SAMD4B: variants seen among roughly 807,000 people sequenced by gnomAD.
SAMD4B encodes the protein protein Smaug homolog 2.
SAMD4B carries 5 observed loss-of-function variants against 74.5 expected under a neutral mutation model. The ratio of observed to expected loss-of-function variants is 0.07; its 90% confidence interval spans 0.04 to 0.14. SAMD4B has a LOEUF of 0.14. Ranked by LOEUF, SAMD4B falls within the 10% of genes least tolerant of loss-of-function variation. The pLI, the probability that SAMD4B is intolerant of heterozygous loss-of-function variation, is 1.00. For synonymous variants in SAMD4B, 373 were observed against 374.9 expected, an observed-to-expected ratio of 1.00 and a Z score of 0.06; for missense variants, 608 against 921.8, an observed-to-expected ratio of 0.66 and a Z score of 4.41.
intron 3 of SAMD4B, 89 bp from the exon 4 acceptor site, chr19:39,369,566 C>A: frequency 1.0e-6 from 1 of 985,996 alleles, no homozygotes; most frequent in Non-Finnish European, 1.5e-6. Flanking sequence ...AAGATTGGAG[C>A]TGAGGGAATA....
At chr19:39,365,114 C>T (rs1168075516) in intron 3 of SAMD4B, among the ~76,000 whole-genome samples, 3 of 151,590 alleles carry the variant, frequency 2.0e-5, no homozygotes, top group African/African-American at 4.9e-5. Flanking sequence ...GGTGTGGTGG[C>T]GGGCGTGTGT....
chr19:39,389,669 T>C (rs898341907), downstream of SAMD4B: 6 of 1,614,178 alleles, frequency 3.7e-6, no homozygotes, highest in Non-Finnish European at 5.1e-6. The surrounding 1 kb of genome is among the most constrained non-coding windows in gnomAD (Gnocchi z 5.3). Flanking sequence ...GGTGTCAGGA[T>C]TGATGAGATC....
downstream of SAMD4B, chr19:39,385,926 C>T (rs1382120413): frequency 3.1e-6 from 5 of 1,593,694 alleles, no homozygotes; most frequent in Non-Finnish European, 4.3e-6. Flanking sequence ...CACAAACAGA[C>T]CACTAGAAAA....
intron 3 of SAMD4B, among the ~76,000 whole-genome samples, chr19:39,364,942 TA>T (rs1366005671): frequency 6.6e-6 from 1 of 151,854 alleles, no homozygotes; most frequent in African/African-American, 2.4e-5. Context: ...AGGTTGTGGG[TA>T]AAAAGTTCCC....
In SAMD4B at chr19:39,378,550, C is replaced by T. The variant is rs750946961; in HGVS notation, c.1491C>T (p.Thr497=). 5 of 1,613,876 alleles carry T rather than the reference C, an allele frequency of 3.1e-6. No individual in the cohort carries two copies. The African/African-American group carries it at 6.7e-5, about 22-fold the overall frequency. ...LVSRPDEENI[T]SYLQLIEKCL... is the part of the protein sequence containing the mutation. Reference sequence around the variant, plus strand: ...CCCGACCAGACGAGGAGAACATCACCAGTTACCTCCAGCTCATCGAAAAGT... The same window carrying T: ...CCCGACCAGACGAGGAGAACATCACTAGTTACCTCCAGCTCATCGAAAAGT... The change falls in exon 9 of 14, where the codon ACC becomes ACT. Residue 497 remains threonine (T), a synonymous_variant. Transcript: ENST00000610417. The surrounding 1 kb of genome is among the most constrained non-coding windows in gnomAD (Gnocchi z 4.4).
Position 39,369,972 on chromosome 19 carries a change from T to A in SAMD4B, c.514T>A (p.Ser172Thr), listed in dbSNP as rs1174083653. 6.2e-7 allele frequency: 1 copy of A among 1,613,466 alleles called. No individual in the cohort carries two copies. Among genetic ancestry groups the A allele is most frequent in the Non-Finnish European group, 8.5e-7 (1 of 1,179,842 alleles). The change falls in exon 4 of 14, where the codon TCA (serine) becomes ACA (threonine). Residue 172 changes from serine (S) to threonine (T), a missense_variant. Physicochemically the swap from Ser to Thr is moderately conservative, Grantham distance 58 (BLOSUM62 1). Around this residue, in one of 9 missense-constraint regions of SAMD4B, gnomAD observed 153 missense variants for 153.0 expected, o/e 1.00. Transcript: ENST00000610417. ...GCCCTCCTACCATTCACGTCAAGGCTCAGATGAGTGGGGGGGCCCTGCAGA... is the reference window on the plus strand; with the variant it reads ...GCCCTCCTACCATTCACGTCAAGGCACAGATGAGTGGGGGGGCCCTGCAGA... Reference protein sequence around the residue: ...PEPSYHSRQGSDEWGGPAELG... With the variant: ...PEPSYHSRQGTDEWGGPAELG...
In SAMD4B at chr19:39,377,695, A is replaced by C; in HGVS notation, c.1315A>C (p.Lys439Gln). Residue 439 changes from lysine to glutamine, a missense_variant, in exon 8 of 14, where the codon AAG becomes CAG. Coordinates refer to ENST00000610417, the MANE Select transcript of SAMD4B (RefSeq NM_001384574.2). ...HPGTDKGTEA[K>Q]DPPAVENYPP... ...CGGCACAGACAAAGGCACCGAGGCC[A>C]AGGACCCTCCAGCTGTGGAGAACTA... 1 of 1,614,214 alleles carries C rather than the reference A, an allele frequency of 6.2e-7. No homozygotes were observed. The highest frequency in any genetic ancestry group is 8.5e-7 in the Non-Finnish European group (1 of 1,180,030).
chr19:39,388,304 G>C (rs117544698), downstream of SAMD4B: 1 of 1,612,416 alleles, frequency 6.2e-7, no homozygotes, highest in Non-Finnish European at 8.5e-7. Context: ...AAGAAGCACA[G>C]ATCCAGGCTA....
downstream of SAMD4B, chr19:39,386,594 T>C: frequency 6.2e-7 from 1 of 1,613,282 alleles, no homozygotes; most frequent in Non-Finnish European, 8.5e-7. This position sits in a 1 kb window ranked among gnomAD's most constrained non-coding sequence, Gnocchi z 6.1. Flanking sequence ...AAGATTGGAA[T>C]GAGGGGAAGG....
chr19:39,381,863 T>G (rs1226101713), intron 12 of SAMD4B, among the ~76,000 whole-genome samples: 1 of 151,868 alleles, frequency 6.6e-6, no homozygotes, highest in Admixed American at 6.6e-5. Context: ...GCCCAGGAGG[T>G]CAAGGCTGTA....
At chr19:39,379,187 G>A (rs530676178) in intron 9 of SAMD4B, among the ~76,000 whole-genome samples, 7 of 151,918 alleles carry the variant, frequency 4.6e-5, no homozygotes, top group Non-Finnish European at 1.0e-4. Flanking sequence ...TTCTTTTTTA[G>A]AGATGGAGTA....
Position 39,375,706 on chromosome 19 carries a change from A to G in SAMD4B, c.724A>G (p.Thr242Ala), listed in dbSNP as rs772296491. The change falls in exon 5 of 14, where the codon ACA becomes GCA. Residue 242 changes from threonine (T) to alanine (A), a missense_variant. By Grantham distance (58) the Thr-to-Ala change is moderately conservative. Transcript: ENST00000610417. The surrounding 1 kb of genome is among the most constrained non-coding windows in gnomAD (Gnocchi z 4.1). ...GAAGCGCTCCATGTCACTCATCCCT[A>G]CAAGCCCCCAGGTCCCTGGTGAGTG... ...PLKRSMSLIP[T>A]SPQVPGEWPS... 4 of 1,613,948 alleles carry G rather than the reference A, an allele frequency of 2.5e-6. No individual in the cohort carries two copies. Among genetic ancestry groups the G allele is most frequent in the African/African-American group, 1.3e-5 (1 of 74,990 alleles).
At chr19:39,379,212 A>G (rs1415083480) in intron 9 of SAMD4B, among the ~76,000 whole-genome samples, 1 of 152,098 alleles carries the variant, frequency 6.6e-6, no homozygotes. Flanking sequence ...TTTATTGCCT[A>G]GGCTGATCTC....
Position 39,375,814 on chromosome 19 carries a change from T to A in SAMD4B, c.832T>A (p.Ser278Thr). ...APLSPQSSVA[S>T]SGSEQTEEQG... Reference sequence around the variant, plus strand: ...TCTCTCGCCCCAGAGCAGCGTGGCCTCCTCTGGCAGTGAGCAGACAGAGGA... The same window carrying A: ...TCTCTCGCCCCAGAGCAGCGTGGCCACCTCTGGCAGTGAGCAGACAGAGGA... The change falls in exon 5 of 14, where the codon TCC (serine) becomes ACC (threonine). Residue 278 changes from serine (S) to threonine (T), a missense_variant. This residue lies in a region of SAMD4B where 31 missense variants were observed against 43.4 expected (regional missense o/e 0.71). Coordinates refer to ENST00000610417, the MANE Select transcript of SAMD4B (RefSeq NM_001384574.2). The surrounding 1 kb of genome is among the most constrained non-coding windows in gnomAD (Gnocchi z 4.1). The A allele has an allele frequency of 6.2e-7, 1 of 1,613,760 alleles. No homozygotes were observed. The highest frequency in any genetic ancestry group is 8.5e-7 in the Non-Finnish European group (1 of 1,180,020).
At position 39,369,921 on chromosome 19, in the gene SAMD4B, G is replaced by C; in HGVS notation, c.463G>C (p.Ala155Pro). The change falls in exon 4 of 14, where the codon GCT becomes CCT. Residue 155 changes from alanine to proline, a missense_variant. By Grantham distance (27) the Ala-to-Pro change is conservative. Coordinates refer to ENST00000610417, the MANE Select transcript of SAMD4B (RefSeq NM_001384574.2). ...LWLSHLEERL[A>P]SGFRSRPEPS... ...GCTGAGCCACCTGGAAGAGCGGTTG[G>C]CTAGTGGCTTCCGCTCCCGGCCAGA... is the stretch of plus-strand genomic sequence containing the variant. 6.2e-7 allele frequency: 1 copy of C among 1,614,166 alleles called. No homozygotes were observed. Among genetic ancestry groups the C allele is most frequent in the Non-Finnish European group, 8.5e-7 (1 of 1,180,012 alleles).
Position 39,356,867 on chromosome 19 carries a change from C to A in SAMD4B, c.-27C>A. On this transcript the variant is annotated 5_prime_UTR_variant, in exon 3 of 14. Coordinates refer to ENST00000610417, the MANE Select transcript of SAMD4B (RefSeq NM_001384574.2). ...GCGCTGGCCCTCGCCACCGCCGTCC[C>A]CCGACCCTGGCCCCAGGCCCGGCAC... The A allele has an allele frequency of 6.3e-7, 1 of 1,588,836 alleles. No homozygotes were observed.
chr19:39,383,734 C>G lies in SAMD4B; in HGVS notation c.*207C>G. The G allele has an allele frequency of 1.3e-6, 2 of 1,534,682 alleles. No homozygotes were observed. On this transcript the variant is annotated 3_prime_UTR_variant, in exon 14 of 14. Coordinates refer to ENST00000610417, the MANE Select transcript of SAMD4B (RefSeq NM_001384574.2). This position sits in a 1 kb window ranked among gnomAD's most constrained non-coding sequence, Gnocchi z 4.1. ...CCCGTCGAGGGATCTCTGCTGAGGC[C>G]CGGGGAGTTGGGGGCAGCCAGGATA...
chr19:39,365,176 G>A (rs1306678969), intron 3 of SAMD4B, among the ~76,000 whole-genome samples: 1 of 150,888 alleles, frequency 6.6e-6, no homozygotes, highest in Non-Finnish European at 1.5e-5. Context: ...AACCCAGGAG[G>A]CAGAGCTTGC....
At chr19:39,352,623 G>C (rs1330206963) in intron 1 of SAMD4B, 1 of 152,026 alleles carries the variant, frequency 6.6e-6, no homozygotes, top group African/African-American at 2.4e-5. Flanking sequence ...CATAGTCCCA[G>C]TTGGCCTGCT....
Sources: allele counts gnomAD v4.1 joint callset (sites outside exome capture counted in the v4.1 genomes callset), GRCh38; gene constraint gnomAD v4.1.1; regional missense constraint gnomAD v4.1.1; non-coding constraint Gnocchi (gnomAD v3.1); transcripts MANE v1.5; gene names NCBI Gene and HGNC (gene_info 2026-07-23, HGNC 2026-07-21).